Variants in PRELID2 observed in about 807,000 individuals in gnomAD.
The protein encoded by PRELID2 is PRELI domain containing 2.
In PRELID2, 25 loss-of-function variants were observed where a neutral mutation model predicts 28.4. That is an observed-to-expected ratio of 0.88 (90% CI 0.64 to 1.23). The LOEUF (loss-of-function observed/expected upper bound fraction) is 1.23, where lower values mean the gene tolerates loss of function less well. Among genes scored for constraint, PRELID2 ranks in the 50% most tolerant of loss-of-function variants. The probability of loss-of-function intolerance (pLI) is 0.00; values close to 1 mark genes in which losing one functional copy is unlikely to be tolerated. For missense variants in PRELID2, 201 were observed against 214.4 expected (o/e 0.94, Z 0.39); for synonymous variants, 76 against 71.6 (o/e 1.06, Z -0.31).
the PRELID2 span, among the ~76,000 whole-genome samples, chr5:145,459,120 G>T: frequency 6.6e-6 from 1 of 152,128 alleles, no homozygotes; most frequent in East Asian, 1.9e-4. Context: ...TCAAGCACAG[G>T]CAATCACAAG....
intron 1 of PRELID2, among the ~76,000 whole-genome samples, chr5:145,743,411 CAAAAAAA>C (rs59424142): frequency 3.9e-5 from 4 of 101,786 alleles, no homozygotes; most frequent in Admixed American, 1.0e-4. Context: ...AACTCTGCGG[CAAAAAAA>C]AAAAAAAAAA....
the PRELID2 span, among the ~76,000 whole-genome samples, chr5:145,363,846 C>G: frequency 2.9e-3 from 436 of 152,058 alleles, 2 homozygotes; most frequent in African/African-American, 9.7e-3. Context: ...TATTTCACTA[C>G]CAGTGAACAT....
chr5:145,346,881 A>G, the PRELID2 span, among the ~76,000 whole-genome samples: 2 of 152,178 alleles, frequency 1.3e-5, no homozygotes, highest in Non-Finnish European at 2.9e-5. Flanking sequence ...AAGAGAGATG[A>G]AATTGAAAGC....
intron 1 of PRELID2, among the ~76,000 whole-genome samples, chr5:145,696,812 A>T (rs150848282): frequency 9.5e-4 from 144 of 152,048 alleles, no homozygotes; most frequent in African/African-American, 3.4e-3. Context: ...CATTCCCAGC[A>T]ATTTGTTGAG....
chr5:145,426,818 T>C, the PRELID2 span, among the ~76,000 whole-genome samples: 3 of 152,118 alleles, frequency 2.0e-5, no homozygotes, highest in Admixed American at 6.6e-5. Flanking sequence ...AGAAAGAATA[T>C]GGAGAAAGAA....
chr5:145,729,356 C>T (rs1756268249), intron 1 of PRELID2: 2 of 635,324 alleles, frequency 3.1e-6, no homozygotes, highest in South Asian at 5.1e-5. Context: ...TGCCTCTGTT[C>T]TCATTAAATC....
At chr5:145,682,031 T>C (rs1296836345) in intron 1 of PRELID2, among the ~76,000 whole-genome samples, 1 of 152,116 alleles carries the variant, frequency 6.6e-6, no homozygotes, top group Non-Finnish European at 1.5e-5. Flanking sequence ...AAATTAGTTC[T>C]AGATTATTTT....
the PRELID2 span, among the ~76,000 whole-genome samples, chr5:145,293,890 C>T: frequency 6.6e-6 from 1 of 152,148 alleles, no homozygotes; most frequent in Non-Finnish European, 1.5e-5. Context: ...AGCTACCTGG[C>T]CAATGGCATC....
chr5:145,742,328 A>ATT (rs553094695), intron 1 of PRELID2, among the ~76,000 whole-genome samples: 84 of 137,726 alleles, frequency 6.1e-4, no homozygotes, highest in East Asian at 2.6e-3. Flanking sequence ...AAATAGATAT[A>ATT]TTTTTTTTTT....
At chr5:145,382,291 A>T in the PRELID2 span, among the ~76,000 whole-genome samples, 1 of 152,186 alleles carries the variant, frequency 6.6e-6, no homozygotes, top group Non-Finnish European at 1.5e-5. Flanking sequence ...GCAGTCTAGC[A>T]TACATAAAAT....
intron 1 of PRELID2, among the ~76,000 whole-genome samples, chr5:145,570,057 G>A (rs759397662): frequency 1.3e-5 from 2 of 152,084 alleles, no homozygotes; most frequent in African/African-American, 2.4e-5. Flanking sequence ...CTGGTTGTTC[G>A]CATTGGCATC....
chr5:145,344,832 T>G, the PRELID2 span, among the ~76,000 whole-genome samples: 1 of 152,128 alleles, frequency 6.6e-6, no homozygotes, highest in Non-Finnish European at 1.5e-5. Context: ...CTTATGTTTC[T>G]TCTTTAGTGA....
chr5:145,292,429 G>A, the PRELID2 span, among the ~76,000 whole-genome samples: 18 of 152,108 alleles, frequency 1.2e-4, no homozygotes, highest in South Asian at 4.1e-4. Flanking sequence ...CCCCTGCACC[G>A]ACCATGCACT....
chr5:145,633,306 A>G (rs1056473633), intron 1 of PRELID2, among the ~76,000 whole-genome samples: 6 of 152,160 alleles, frequency 3.9e-5, no homozygotes, highest in Admixed American at 3.9e-4. Context: ...AAAACCTAAT[A>G]TAGTAAAGAG....
the PRELID2 span, chr5:145,229,019 G>A: frequency 1.9e-6 from 3 of 1,602,242 alleles, no homozygotes; most frequent in Non-Finnish European, 2.6e-6. Flanking sequence ...GGGAGTTTGT[G>A]GAGGAGTTCA....
chr5:145,528,488 G>A (rs549218750), intron 1 of PRELID2, among the ~76,000 whole-genome samples: 37 of 151,704 alleles, frequency 2.4e-4, no homozygotes, highest in Non-Finnish European at 1.6e-4. Context: ...ATCAGCTCAC[G>A]AGAGAGAGAG....
chr5:145,232,330 A>T, the PRELID2 span, among the ~76,000 whole-genome samples: 1 of 152,146 alleles, frequency 6.6e-6, no homozygotes, highest in Non-Finnish European at 1.5e-5. Context: ...CACTTGACAA[A>T]TGAAGAAACT....
chr5:145,632,225 G>A (rs1204759538), intron 1 of PRELID2, among the ~76,000 whole-genome samples: 2 of 151,870 alleles, frequency 1.3e-5, no homozygotes, highest in African/African-American at 4.8e-5. Flanking sequence ...TCTTTCTTAC[G>A]GTAATTGTAA....
chr5:145,745,873 A>ATGAAAAAAG (rs1168465550), intron 1 of PRELID2, among the ~76,000 whole-genome samples: 18 of 89,494 alleles, frequency 2.0e-4, no homozygotes, highest in African/African-American at 6.1e-4. Flanking sequence ...AAAAAAAAAA[A>ATGAAAAAAG]TGAAAAGAAT....
Sources: gnomAD v4.1 joint callset for allele counts (sites outside exome capture counted in the v4.1 genomes callset) on GRCh38, gnomAD v4.1.1 for gene constraint, MANE v1.5 for transcripts, NCBI Gene and HGNC (gene_info 2026-07-23, HGNC 2026-07-21) for gene names.